The following DAGLA variants were observed in gnomAD, a reference collection of about 807,000 sequenced individuals.
The protein encoded by DAGLA is diacylglycerol lipase alpha.
Under a neutral mutation model 102.6 loss-of-function variants are expected in DAGLA, and 22 were observed. That is an observed-to-expected ratio of 0.21 (90% CI 0.15 to 0.31). The LOEUF is 0.31. DAGLA is among the 10% of genes least tolerant of loss of function. The pLI, the probability that DAGLA is intolerant of heterozygous loss-of-function variation, is 1.00. For synonymous variants in DAGLA, 578 were observed against 628.9 expected, an observed-to-expected ratio of 0.92 and a Z score of 1.21; for missense variants, 927 against 1,446.6, an observed-to-expected ratio of 0.64 and a Z score of 5.83.
At chr11:61,725,568 C>T (rs185059675) in intron 5 of DAGLA, among the ~76,000 whole-genome samples, 15 of 152,288 alleles carry the variant, frequency 9.8e-5, no homozygotes, top group African/African-American at 2.4e-4. Flanking sequence ...TAGAATGAGA[C>T]GACAGGGAGG....
intron 17 of DAGLA, among the ~76,000 whole-genome samples, chr11:61,739,933 C>T (rs973445609): frequency 1.3e-5 from 2 of 152,186 alleles, no homozygotes; most frequent in Admixed American, 6.5e-5. Flanking sequence ...GGCAGCTCTC[C>T]CCACTGGTGG....
chr11:61,736,413 C>A, intron 13 of DAGLA, 63 bp downstream of exon 13: 2 of 1,342,142 alleles, frequency 1.5e-6, no homozygotes, highest in Non-Finnish European at 2.1e-6. Flanking sequence ...CAACGCAGCA[C>A]AGAGAGGAGA....
Position 61,731,190 on chromosome 11 carries a change from CAG to C in DAGLA, c.850-126_850-125del, listed in dbSNP as rs1034334606. 1.4e-5 allele frequency: 16 copies of C among 1,155,536 alleles called. No homozygotes were observed. The African/African-American group carries it at 2.3e-4, about 17-fold the overall frequency. The allele number at this position is 1,155,536 out of a possible 1,614,324, so 71.6% of individuals were successfully genotyped here. A position where few individuals can be genotyped will look rare whatever the true frequency, so the allele number is the denominator to read the frequency against. ...CCAAGGCCTGGGCCCCACACCTCAA[CAG>C]GGGACCAGCAACCCCTCCCTGCCAG... On this transcript the variant is annotated intron_variant, in intron 8 of 19. Transcript: ENST00000257215.
intron 1 of DAGLA, among the ~76,000 whole-genome samples, chr11:61,691,569 G>T (rs1223786577): frequency 6.6e-6 from 1 of 152,262 alleles, no homozygotes; most frequent in Non-Finnish European, 1.5e-5. Context: ...CTGTGCTCTG[G>T]CTCTGTGCCC....
At position 61,744,348 on chromosome 11, in the gene DAGLA, C is replaced by T. The variant is rs771156826; in HGVS notation, c.2988C>T (p.Ser996=). ...TCTCGCCCTCCTTCCCGCTCAGCTC[C>T]TCGGGTGAGCTCATGGACCTGACGC... ...ISLSPSFPLS[S]SGELMDLTPT... is the part of the protein sequence containing the mutation. Residue 996 remains serine, a synonymous_variant, in exon 20 of 20, where the codon TCC becomes TCT. Transcript: ENST00000257215. The T allele has an allele frequency of 3.1e-6, 5 of 1,612,646 alleles. No homozygotes were observed. The highest frequency in any genetic ancestry group is 4.2e-6 in the Non-Finnish European group (5 of 1,179,760).
intron 1 of DAGLA, 39 bp from the exon 2 acceptor site, chr11:61,720,073 C>T (rs2065268998): frequency 6.8e-7 from 1 of 1,460,268 alleles, no homozygotes; most frequent in Non-Finnish European, 9.5e-7. Flanking sequence ...GGTGCCTTCA[C>T]CTCCTCAGGC....
At position 61,720,659 on chromosome 11, in the gene DAGLA, C is replaced by T. The variant is rs141966323; in HGVS notation, c.96-20C>T. 1 of 1,612,132 alleles carries T rather than the reference C, an allele frequency of 6.2e-7. No homozygotes were observed. Among genetic ancestry groups the T allele is most frequent in the East Asian group, 2.2e-5 (1 of 44,868 alleles). On this transcript the variant is annotated intron_variant, in intron 2 of 19. Transcript: ENST00000257215. ...TACAGGGGCCACCTGGCCTTGCTCA[C>T]ACGGGCGTTCCTGTGACAGGTTTGT...
rs139806648 is a variant in DAGLA at position 61,684,040 on chromosome 11, C to T, written c.-45+3536C>T. On this transcript the variant is annotated intron_variant, in intron 1 of 19. Transcript: ENST00000257215. The surrounding 1 kb of genome is among the most constrained non-coding windows in gnomAD (Gnocchi z 4.5). ...CCTGGCTGCTGTGCTTTAGGGGTGC[C>T]GGGGAGCCAGGCATCTGTGGCCAGA... Among the ~76,000 whole-genome samples, 656 of 152,316 alleles carry T rather than the reference C, an allele frequency of 4.3e-3. 4 individuals carry two copies. The highest frequency in any genetic ancestry group is 0.015 in the African/African-American group (634 of 41,568).
Position 61,716,664 on chromosome 11 carries a change from A to G in DAGLA, c.-44-3448A>G, listed in dbSNP as rs558984962. ...GGGCGAGGCATATGCCTGAGGTTGC[A>G]CCGCCTGTCGCTGCCGCCCGAGGGG... On this transcript the variant is annotated intron_variant, in intron 1 of 19. Coordinates refer to ENST00000257215, the MANE Select transcript of DAGLA (RefSeq NM_006133.3). Among the ~76,000 whole-genome samples the G allele has an allele frequency of 2.2e-4, 33 of 152,270 alleles. No individual in the cohort carries two copies. The East Asian group carries it at 6.2e-3, about 29-fold the overall frequency.
chr11:61,708,186 T>G (rs1438869047), intron 1 of DAGLA, among the ~76,000 whole-genome samples: 1 of 152,074 alleles, frequency 6.6e-6, no homozygotes, highest in African/African-American at 2.4e-5. Context: ...TTTTGTATTT[T>G]TAGTAGAGAT....
At chr11:61,739,241 G>C (rs2065453684) in intron 16 of DAGLA, among the ~76,000 whole-genome samples, 1 of 152,186 alleles carries the variant, frequency 6.6e-6, no homozygotes, top group East Asian at 1.9e-4. Context: ...CATGTCATCT[G>C]TCCTTGGCAC....
chr11:61,698,228 G>A (rs1046711198), intron 1 of DAGLA, among the ~76,000 whole-genome samples: 2 of 152,226 alleles, frequency 1.3e-5, no homozygotes, highest in Non-Finnish European at 2.9e-5. Flanking sequence ...AGGGCAGGCA[G>A]GCAGGGTCCC....
intron 8 of DAGLA, among the ~76,000 whole-genome samples, chr11:61,730,070 A>AG (rs2065361016): frequency 6.6e-6 from 1 of 151,790 alleles, no homozygotes; most frequent in East Asian, 1.9e-4. Flanking sequence ...AAGAAGAAAA[A>AG]AAAAAAACCA....
At position 61,731,431 on chromosome 11, in the gene DAGLA, C is replaced by T. The variant is rs747581853; in HGVS notation, c.964C>T (p.Arg322Trp). The T allele has an allele frequency of 9.3e-6, 15 of 1,613,628 alleles. No homozygotes were observed. Among genetic ancestry groups the T allele is most frequent in the Non-Finnish European group, 1.3e-5 (15 of 1,179,990 alleles). ...KPACGLCQLA[R>W]SCSCCLCPAR... The stretch of plus-strand genomic sequence containing the variant: ...CGCCTGCGGCCTCTGCCAACTGGCT[C>T]GGTCCTGCTCGTGAGTACCCCTGTC... Residue 322 changes from arginine (R) to tryptophan (W), a missense_variant, in exon 9 of 20, where the codon CGG (arginine) becomes TGG (tryptophan). Coordinates refer to ENST00000257215, the MANE Select transcript of DAGLA (RefSeq NM_006133.3).
intron 9 of DAGLA, 86 bp downstream of exon 9, chr11:61,731,527 C>T: frequency 6.4e-7 from 1 of 1,557,498 alleles, no homozygotes; most frequent in Non-Finnish European, 8.7e-7. Context: ...GCGCCTACTG[C>T]TTTGCCCTGA....
rs2065106244 is a variant in DAGLA at position 61,701,000 on chromosome 11, G to A, written c.-44-19112G>A. Among the ~76,000 whole-genome samples the A allele has an allele frequency of 1.3e-5, 2 of 152,200 alleles. 1 individual carries two copies. Among genetic ancestry groups the A allele is most frequent in the South Asian group, 4.1e-4 (2 of 4,828 alleles). Reference sequence around the variant, plus strand: ...TGACAGGTGAGGAAATCTGATTTGTGTCATGCTTTCTCCAGCATCGCTCAG... The same window carrying A: ...TGACAGGTGAGGAAATCTGATTTGTATCATGCTTTCTCCAGCATCGCTCAG... On this transcript the variant is annotated intron_variant, in intron 1 of 19. Coordinates refer to ENST00000257215, the MANE Select transcript of DAGLA (RefSeq NM_006133.3).
chr11:61,700,682 G>A (rs2065103107), intron 1 of DAGLA, among the ~76,000 whole-genome samples: 1 of 152,200 alleles, frequency 6.6e-6, no homozygotes, highest in South Asian at 2.1e-4. Flanking sequence ...GCATTAGCCA[G>A]GCAAGGAGCC....
intron 1 of DAGLA, among the ~76,000 whole-genome samples, chr11:61,692,572 G>A (rs894205935): frequency 3.3e-5 from 5 of 152,056 alleles, no homozygotes; most frequent in African/African-American, 4.8e-5. Flanking sequence ...CAGAATCCCC[G>A]CTCCCCACTC....
chr11:61,723,029 G>A, intron 4 of DAGLA, 69 bp downstream of exon 4: 1 of 1,303,592 alleles, frequency 7.7e-7, no homozygotes. Flanking sequence ...TCAGTTTAGA[G>A]AGGAAGAAGC....
Sources: gnomAD v4.1 joint callset for allele counts (sites outside exome capture counted in the v4.1 genomes callset) on GRCh38, gnomAD v4.1.1 for gene constraint, Gnocchi (gnomAD v3.1) non-coding constraint, MANE v1.5 for transcripts, NCBI Gene and HGNC (gene_info 2026-07-23, HGNC 2026-07-21) for gene names.